Variants in DPP10 observed in about 807,000 individuals in gnomAD.
The protein encoded by DPP10 is inactive dipeptidyl peptidase 10.
DPP10 carries 33 observed loss-of-function variants against 120.9 expected under a neutral mutation model. That is an observed-to-expected ratio of 0.27 (90% CI 0.21 to 0.37). DPP10 has a LOEUF of 0.37. Ranked by LOEUF, DPP10 falls within the 10% of genes least tolerant of loss-of-function variation. The pLI, the probability that DPP10 is intolerant of heterozygous loss-of-function variation, is 1.00. For synonymous variants in DPP10, 337 were observed against 326.1 expected (o/e 1.03, Z -0.36); for missense variants, 816 against 942.8 (o/e 0.87, Z 1.76).
At chr2:114,455,924 A>G (rs1573388470) in intron 1 of DPP10, among the ~76,000 whole-genome samples, 1 of 152,194 alleles carries the variant, frequency 6.6e-6, no homozygotes, top group Non-Finnish European at 1.5e-5. Context: ...CCTACTACTC[A>G]GTCGTGCTTT....
intron 1 of DPP10, among the ~76,000 whole-genome samples, chr2:114,631,625 G>A (rs1476418499): frequency 2.0e-5 from 3 of 152,088 alleles, no homozygotes; most frequent in Non-Finnish European, 4.4e-5. Flanking sequence ...AAAAAGACTA[G>A]CGAAAGACTC....
At chr2:114,798,481 G>GA (rs398039774) in intron 1 of DPP10, among the ~76,000 whole-genome samples, 6 of 131,942 alleles carry the variant, frequency 4.5e-5, no homozygotes, top group South Asian at 2.6e-4. Flanking sequence ...GTAAGTGACA[G>GA]AAAAAAAAAT....
chr2:115,003,964 C>T (rs1701632503), intron 1 of DPP10, among the ~76,000 whole-genome samples: 2 of 152,190 alleles, frequency 1.3e-5, no homozygotes, highest in African/African-American at 4.8e-5. Context: ...TGTAACTATA[C>T]ATATGTAGTT....
At chr2:115,312,266 A>G (rs1180791150) in intron 2 of DPP10, among the ~76,000 whole-genome samples, 2 of 152,148 alleles carry the variant, frequency 1.3e-5, no homozygotes, top group Non-Finnish European at 2.9e-5. Context: ...CAATGCCCTC[A>G]AGTGCCTAGA....
intron 1 of DPP10, among the ~76,000 whole-genome samples, chr2:114,899,175 AAT>A (rs1011646065): frequency 6.6e-6 from 1 of 151,672 alleles, no homozygotes; most frequent in Non-Finnish European, 1.5e-5. Context: ...TCTATATATG[AAT>A]ATATATATAA....
chr2:114,481,551 C>T (rs1681046336), intron 1 of DPP10, among the ~76,000 whole-genome samples: 1 of 152,108 alleles, frequency 6.6e-6, no homozygotes, highest in Non-Finnish European at 1.5e-5. Context: ...CTCATGTTCA[C>T]ACAAAAACCT....
At chr2:115,512,040 C>T (rs1365465613) in intron 4 of DPP10, among the ~76,000 whole-genome samples, 1 of 151,640 alleles carries the variant, frequency 6.6e-6, no homozygotes, top group Non-Finnish European at 1.5e-5. Flanking sequence ...CTTCCTCCCT[C>T]CCTTCCCCAC....
At chr2:114,562,380 T>C (rs181232842) in intron 1 of DPP10, among the ~76,000 whole-genome samples, 8 of 152,212 alleles carry the variant, frequency 5.3e-5, no homozygotes, top group East Asian at 1.9e-4. Context: ...CTCAAGTCCA[T>C]TGGACTCCAT....
chr2:114,706,312 G>C (rs1401772993), intron 1 of DPP10, among the ~76,000 whole-genome samples: 1 of 152,168 alleles, frequency 6.6e-6, no homozygotes, highest in Non-Finnish European at 1.5e-5. Flanking sequence ...CACCCAAGTT[G>C]CTGAAATAAA....
chr2:115,463,693 A>G (rs2074127760), intron 3 of DPP10, among the ~76,000 whole-genome samples: 1 of 152,130 alleles, frequency 6.6e-6, no homozygotes, highest in South Asian at 2.1e-4. Flanking sequence ...ACATTAGTCT[A>G]TAATGCTGTA....
chr2:114,517,307 T>A (rs572019516), intron 1 of DPP10, among the ~76,000 whole-genome samples: 57 of 152,214 alleles, frequency 3.7e-4, no homozygotes, highest in African/African-American at 1.3e-3. Context: ...GATCACCTGA[T>A]GTCAGGAGTT....
chr2:114,716,553 A>C (rs930410143), intron 1 of DPP10, among the ~76,000 whole-genome samples: 1 of 152,216 alleles, frequency 6.6e-6, no homozygotes, highest in African/African-American at 2.4e-5. Flanking sequence ...AGTAGACCAC[A>C]ACTCAGTTAT....
chr2:115,081,008 A>AT (rs1472560487), intron 1 of DPP10, among the ~76,000 whole-genome samples: 2 of 152,142 alleles, frequency 1.3e-5, no homozygotes, highest in Non-Finnish European at 2.9e-5. Flanking sequence ...TTTGAGGGTG[A>AT]TATTTTGTTG....
chr2:115,636,853 A>G (rs72947978), intron 5 of DPP10, among the ~76,000 whole-genome samples: 14,063 of 152,178 alleles, frequency 0.092, 2,086 homozygotes, highest in African/African-American at 0.32. Flanking sequence ...ATCCCTTATC[A>G]TAATAAAATT....
intron 1 of DPP10, among the ~76,000 whole-genome samples, chr2:115,103,860 C>T (rs1221842827): frequency 7.9e-5 from 12 of 152,180 alleles, no homozygotes; most frequent in Non-Finnish European, 1.6e-4. Flanking sequence ...TTGATAATTA[C>T]TTATCCAAAA....
chr2:115,234,501 C>T (rs752483672), intron 1 of DPP10: 7 of 152,370 alleles, frequency 4.6e-5, no homozygotes, highest in Non-Finnish European at 1.0e-4. Flanking sequence ...CTAAACTGGC[C>T]CTGAAAATTT....
Position 115,329,584 on chromosome 2 carries a change from C to T in DPP10, c.176-14233C>T, listed in dbSNP as rs1413613280. Among the ~76,000 whole-genome samples the T allele has an allele frequency of 1.2e-4, 18 of 152,176 alleles. 1 individual carries two copies. The highest frequency in any genetic ancestry group is 1.9e-4 in the East Asian group (1 of 5,168). ...TATATCTCCTAATGCTATCCCTCCC[C>T]GCTCCCCCTACCCAATGACAGGCCC... is the stretch of plus-strand genomic sequence containing the variant. On this transcript the variant is annotated intron_variant, in intron 2 of 25. Transcript: ENST00000410059.
At chr2:115,654,097 C>T (rs2088061074) in intron 5 of DPP10, among the ~76,000 whole-genome samples, 1 of 151,810 alleles carries the variant, frequency 6.6e-6, no homozygotes, top group Admixed American at 6.6e-5. Context: ...ACACATCAGT[C>T]TACTCAATTT....
intron 1 of DPP10, among the ~76,000 whole-genome samples, chr2:114,507,029 T>C (rs1277276202): frequency 6.7e-6 from 1 of 150,012 alleles, no homozygotes; most frequent in Non-Finnish European, 1.5e-5. Context: ...TTATTCAGTT[T>C]TCTTTTTTTT....
Sources: gnomAD v4.1 joint callset for allele counts (sites outside exome capture counted in the v4.1 genomes callset) on GRCh38, gnomAD v4.1.1 for gene constraint, MANE v1.5 for transcripts, NCBI Gene and HGNC (gene_info 2026-07-23, HGNC 2026-07-21) for gene names.